Variants in COG8 observed in about 807,000 individuals in gnomAD.
COG8 encodes the protein conserved oligomeric Golgi complex subunit 8.
Under a neutral mutation model 46.5 loss-of-function variants are expected in COG8, and 45 were observed. The observed-to-expected ratio is 0.97, with a 90% CI of 0.76 to 1.24. COG8 has a LOEUF of 1.24. Among genes scored for constraint, COG8 ranks in the 50% most tolerant of loss-of-function variants. The probability of loss-of-function intolerance (pLI) is 0.00; values close to 1 mark genes in which losing one functional copy is unlikely to be tolerated. For synonymous variants in COG8, 407 were observed against 347.8 expected (o/e 1.17, Z -1.90); for missense variants, 793 against 820.8 (o/e 0.97, Z 0.41).
intron 2 of COG8, among the ~76,000 whole-genome samples, chr16:69,336,066 C>A (rs1242612104): frequency 6.6e-6 from 1 of 152,162 alleles, no homozygotes; most frequent in African/African-American, 2.4e-5. Context: ...TTTGCTCTCT[C>A]CCCAGATCTT....
rs1017255729 is a variant in COG8, at chr16:69,335,236, C to T, written c.698G>A (p.Arg233Gln). The change falls in exon 3 of 6, where the codon CGG (arginine) becomes CAG (glutamine). Residue 233 changes from arginine to glutamine, a missense_variant. Arg to Gln is a conservative substitution (Grantham distance 43). Transcript: ENST00000306875. ...PACLRVIGYL[R>Q]RMDVFTEAEL... ...AGCCTCAGTGAAGACGTCCATGCGC[C>T]GCAGGTAGCCAATGACACGGAGGCA... The T allele has an allele frequency of 3.7e-6, 6 of 1,613,888 alleles. No homozygotes were observed. Among genetic ancestry groups the T allele is most frequent in the African/African-American group, 1.3e-5 (1 of 74,904 alleles).
chr16:69,329,614 C>G (rs1965719719), intron 5 of COG8, among the ~76,000 whole-genome samples: 1 of 152,256 alleles, frequency 6.6e-6, no homozygotes, highest in African/African-American at 2.4e-5. Flanking sequence ...GCGAGGCATC[C>G]TGTGGTACCA....
At position 69,335,256 on chromosome 16, in the gene COG8, G is replaced by C; in HGVS notation, c.678C>G (p.Leu226=). The change falls in exon 3 of 6, where the codon CTC becomes CTG. Residue 226 remains leucine, a synonymous_variant. Transcript: ENST00000306875. ...TGCGCCGCAGGTAGCCAATGACACGGAGGCAGGCAGGAAGCTGGATGTTGG... is the reference window on the plus strand; with the variant it reads ...TGCGCCGCAGGTAGCCAATGACACGCAGGCAGGCAGGAAGCTGGATGTTGG... The part of the protein sequence containing the change: ...LRTNIQLPAC[L]RVIGYLRRMD... 6.2e-7 allele frequency: 1 copy of C among 1,613,896 alleles called. No individual in the cohort carries two copies. Among genetic ancestry groups the C allele is most frequent in the Admixed American group, 1.7e-5 (1 of 59,990 alleles).
At chr16:69,333,102 C>T (rs1049927961) in intron 3 of COG8, among the ~76,000 whole-genome samples, 5 of 151,284 alleles carry the variant, frequency 3.3e-5, no homozygotes, top group Admixed American at 6.6e-5. Flanking sequence ...TGTTACATTA[C>T]GGGTATAGTT....
rs759480466 is a variant in COG8 at position 69,339,469 on chromosome 16, C to T, written c.84G>A (p.Ala28=). The stretch of plus-strand genomic sequence containing the variant: ...CGGGGAAGCGGTCCCGGAACAGCGA[C>T]GCCAGGAGCCCTTCATCCTCCACCT... The part of the protein sequence containing the change: ...LGEVEDEGLL[A]SLFRDRFPEA... Residue 28 remains alanine, a synonymous_variant, in exon 1 of 6, where the codon GCG becomes GCA. Coordinates refer to ENST00000306875, the MANE Select transcript of COG8 (RefSeq NM_032382.5). 9 of 1,601,528 alleles carry T rather than the reference C, an allele frequency of 5.6e-6. 1 individual carries two copies. In the African/African-American group the frequency reaches 1.1e-4, roughly 19 times the overall value.
chr16:69,329,936 CGGAGTCGGGCAGAAGA>C, intron 5 of COG8: 1 of 1,457,432 alleles, frequency 6.9e-7, no homozygotes, highest in Non-Finnish European at 9.0e-7. Flanking sequence ...TGCGCTCTCG[CGGAGTCGGGCAGAAGA>C]GACGCGCGCG....
At chr16:69,330,673 C>A in intron 5 of COG8, 140 bp downstream of exon 5, 1 of 1,395,360 alleles carries the variant, frequency 7.2e-7, no homozygotes, top group Non-Finnish European at 9.3e-7. Flanking sequence ...CGACTGGATC[C>A]CCGCCTTCCT....
intron 3 of COG8, among the ~76,000 whole-genome samples, chr16:69,334,251 GCTA>G (rs2012057788): frequency 6.6e-6 from 1 of 152,218 alleles, no homozygotes; most frequent in Non-Finnish European, 1.5e-5. Flanking sequence ...GTTGCTGGAA[GCTA>G]CTAAGTTTGT....
At position 69,332,828 on chromosome 16, in the gene COG8, C is replaced by T. The variant is rs202134146; in HGVS notation, c.1468G>A (p.Gly490Arg). Residue 490 changes from glycine (G) to arginine (R), a missense_variant, in exon 4 of 6, where the codon GGG (glycine) becomes AGG (arginine). By Grantham distance (125) the Gly-to-Arg change is moderately radical. Transcript: ENST00000306875. ...AACTGGACAAAGAGCTCTTGCTCCC[C>T]GCTGCTGAAGGCAGCCTCTTCAGCG... The part of the protein sequence containing the change: ...HRAEEAAFSS[G>R]EQELFVQFCT... 4.4e-5 allele frequency: 71 copies of T among 1,614,210 alleles called. No individual in the cohort carries two copies. The Middle Eastern group carries it at 8.2e-4, about 19-fold the overall frequency.
intron 3 of COG8, 30 bp from the exon 4 acceptor site, chr16:69,332,912 G>C (rs1206469976): frequency 1.2e-6 from 2 of 1,612,622 alleles, no homozygotes; most frequent in Non-Finnish European, 8.5e-7. Flanking sequence ...TCAATTACTG[G>C]GACAGCCTAT....
chr16:69,335,236 C>CGCAGGTAGCCAATGACACGGAG lies in COG8; in HGVS notation c.676_697dup (p.Arg233ProfsTer15). The CGCAGGTAGCCAATGACACGGAG allele has an allele frequency of 6.2e-7, 1 of 1,614,006 alleles. No homozygotes were observed. The highest frequency in any genetic ancestry group is 8.5e-7 in the Non-Finnish European group (1 of 1,179,994). On this transcript the variant is annotated frameshift_variant, in exon 3 of 6. Coordinates refer to ENST00000306875, the MANE Select transcript of COG8 (RefSeq NM_032382.5). LOFTEE classifies it high-confidence loss of function. The stretch of plus-strand genomic sequence containing the variant: ...AGCCTCAGTGAAGACGTCCATGCGC[C>CGCAGGTAGCCAATGACACGGAG]GCAGGTAGCCAATGACACGGAGGCA...
At chr16:69,335,961 G>A (rs2012184569) in intron 2 of COG8, among the ~76,000 whole-genome samples, 1 of 152,046 alleles carries the variant, frequency 6.6e-6, no homozygotes, top group Non-Finnish European at 1.5e-5. Flanking sequence ...CTCTCCCGCT[G>A]CTACAATCCA....
At chr16:69,336,786 G>T in intron 1 of COG8, 74 bp from the exon 2 acceptor site, 3 of 1,262,130 alleles carry the variant, frequency 2.4e-6, no homozygotes, top group Non-Finnish European at 2.3e-6. Context: ...CCAAGTACCT[G>T]CTATGAACAT....
intron 1 of COG8, among the ~76,000 whole-genome samples, chr16:69,337,411 G>C (rs1182119434): frequency 6.6e-6 from 1 of 151,958 alleles, no homozygotes; most frequent in African/African-American, 2.4e-5. Context: ...AATAGTAAAA[G>C]AGACACAGTT....
Position 69,327,844 on chromosome 16 carries a change from C to G in COG8, c.*1362G>C, listed in dbSNP as rs1271594603. 1 of 150,452 alleles carries G rather than the reference C, an allele frequency of 6.6e-6. No homozygotes were observed. Among genetic ancestry groups the G allele is most frequent in the Non-Finnish European group, 1.5e-5 (1 of 67,906 alleles). 9.3% of individuals were successfully genotyped at this position (150,452 alleles called of 1,614,324 possible). ...CTGGGCAACATAGTAAGACCCCCGTCTCTATCTTAAAAAAAAAATAAAAGA... is the reference window on the plus strand; with the variant it reads ...CTGGGCAACATAGTAAGACCCCCGTGTCTATCTTAAAAAAAAAATAAAAGA... On this transcript the variant is annotated 3_prime_UTR_variant, in exon 6 of 6. Coordinates refer to ENST00000306875, the MANE Select transcript of COG8 (RefSeq NM_032382.5).
chr16:69,335,001 C>G lies in COG8; in HGVS notation c.933G>C (p.Glu311Asp), dbSNP rs772846383. ...PPAMGEHTVN[E>D]SAIFHGWVLQ... The stretch of plus-strand genomic sequence containing the variant: ...GCACCCAGCCATGGAAGATGGCACT[C>G]TCATTCACAGTGTGCTCACCCATGG... Residue 311 changes from glutamate to aspartate, a missense_variant, in exon 3 of 6, where the codon GAG (glutamate) becomes GAC (aspartate). Coordinates refer to ENST00000306875, the MANE Select transcript of COG8 (RefSeq NM_032382.5). 1.2e-6 allele frequency: 2 copies of G among 1,614,196 alleles called. No individual in the cohort carries two copies. The highest frequency in any genetic ancestry group is 3.3e-5 in the Admixed American group (2 of 60,010).
intron 3 of COG8, among the ~76,000 whole-genome samples, chr16:69,334,022 A>C (rs1331276478): frequency 6.6e-6 from 1 of 152,154 alleles, no homozygotes; most frequent in Non-Finnish European, 1.5e-5. Flanking sequence ...TCAGCTGCCT[A>C]TGGAGTGGAC....
In COG8 at chr16:69,328,820, G is replaced by A; in HGVS notation, c.*386C>T. The A allele has an allele frequency of 3.0e-6, 2 of 656,738 alleles. No individual in the cohort carries two copies. The highest frequency in any genetic ancestry group is 4.9e-6 in the Non-Finnish European group (2 of 404,498). The allele number at this position is 656,738 out of a possible 1,614,324, so 40.7% of individuals were successfully genotyped here. ...CTTTGGGGGTGATTTTTCTCCTCAA[G>A]TTGTAGCCAACATTTTGTCCGTAAC... On this transcript the variant is annotated 3_prime_UTR_variant, in exon 6 of 6. Coordinates refer to ENST00000306875, the MANE Select transcript of COG8 (RefSeq NM_032382.5).
At chr16:69,336,448 A>G (rs2012209131) in intron 2 of COG8, 57 bp downstream of exon 2, 2 of 1,546,678 alleles carry the variant, frequency 1.3e-6, no homozygotes, top group East Asian at 4.5e-5. Flanking sequence ...AGTCCTGACC[A>G]CAGAATAAAT....
Sources: allele counts gnomAD v4.1 joint callset (sites outside exome capture counted in the v4.1 genomes callset), GRCh38; gene constraint gnomAD v4.1.1; transcripts MANE v1.5; gene names NCBI Gene and HGNC (gene_info 2026-07-23, HGNC 2026-07-21).